The following C1orf87 variants were observed in gnomAD, a reference collection of about 807,000 sequenced individuals.
The protein encoded by C1orf87 is uncharacterized protein C1orf87.
In C1orf87, 58 loss-of-function variants were observed where a neutral mutation model predicts 60.5. The ratio of observed to expected loss-of-function variants is 0.96; its 90% CI spans 0.78 to 1.19. C1orf87 has a LOEUF of 1.19. C1orf87 is among the 50% of genes most tolerant of loss of function. The probability of loss-of-function intolerance (pLI) is 0.00; values close to 1 mark genes in which losing one functional copy is unlikely to be tolerated. For missense variants in C1orf87, 673 were observed against 638.6 expected, an observed-to-expected ratio of 1.05 and a Z score of -0.58; for synonymous variants, 236 against 227.4, an observed-to-expected ratio of 1.04 and a Z score of -0.34.
intron 3 of C1orf87, among the ~76,000 whole-genome samples, chr1:60,051,326 T>C (rs544449657): frequency 1.3e-5 from 2 of 152,212 alleles, no homozygotes; most frequent in Non-Finnish European, 2.9e-5. Context: ...CCCTGCCCCA[T>C]TCATGTTGTG....
At chr1:60,034,111 G>C (rs1244515759) in intron 6 of C1orf87, among the ~76,000 whole-genome samples, 1 of 152,078 alleles carries the variant, frequency 6.6e-6, no homozygotes, top group Non-Finnish European at 1.5e-5. Flanking sequence ...TAGTTCCCTG[G>C]GAGGAAATCC....
At chr1:60,070,225 A>C (rs1645575322) in intron 2 of C1orf87, among the ~76,000 whole-genome samples, 1 of 152,184 alleles carries the variant, frequency 6.6e-6, no homozygotes, top group Non-Finnish European at 1.5e-5. Context: ...AGTCTGTCAT[A>C]CCATCCCATC....
rs1034199064 is a variant in C1orf87 at position 59,990,592 on chromosome 1, A to G, written c.*81T>C. On this transcript the variant is annotated 3_prime_UTR_variant, in exon 12 of 12. Coordinates refer to ENST00000371201, the MANE Select transcript of C1orf87 (RefSeq NM_152377.3). ...CCACTCTGACAATGCCTCCGCCACTACACTTAGGCTGGGGAGAAACATGTG... is the reference window on the plus strand; with the variant it reads ...CCACTCTGACAATGCCTCCGCCACTGCACTTAGGCTGGGGAGAAACATGTG... The G allele has an allele frequency of 2.6e-6, 4 of 1,527,450 alleles. No individual in the cohort carries two copies. Among genetic ancestry groups the G allele is most frequent in the Admixed American group, 1.8e-5 (1 of 56,438 alleles). 94.6% of individuals were successfully genotyped at this position (1,527,450 alleles called of 1,614,324 possible). A position where few individuals can be genotyped will look rare whatever the true frequency, so the allele number is the denominator to read the frequency against.
chr1:60,046,790 T>A (rs907776727), intron 3 of C1orf87, among the ~76,000 whole-genome samples: 1 of 152,182 alleles, frequency 6.6e-6, no homozygotes, highest in Non-Finnish European at 1.5e-5. Context: ...TTCATCATTA[T>A]TTTTTCTTGC....
At chr1:60,022,172 G>A (rs1408044927) in intron 8 of C1orf87, among the ~76,000 whole-genome samples, 1 of 149,026 alleles carries the variant, frequency 6.7e-6, no homozygotes, top group Non-Finnish European at 1.5e-5. Flanking sequence ...TTTGAGCAGA[G>A]TAATGATGCA....
At chr1:59,997,358 T>G (rs1297091201) in intron 11 of C1orf87, among the ~76,000 whole-genome samples, 4 of 152,146 alleles carry the variant, frequency 2.6e-5, no homozygotes, top group African/African-American at 9.7e-5. Flanking sequence ...ATTATAAAAT[T>G]GGATTGTGGG....
intron 9 of C1orf87, among the ~76,000 whole-genome samples, chr1:60,002,021 C>G (rs7533549): frequency 1.3e-5 from 2 of 152,030 alleles, no homozygotes; most frequent in Non-Finnish European, 2.9e-5. Context: ...GACTTGGTGA[C>G]TTATTTATTT....
Position 60,054,902 on chromosome 1 carries a change from A to G in C1orf87, c.342+302T>C, listed in dbSNP as rs1330637973. On this transcript the variant is annotated intron_variant, in intron 3 of 11. Transcript: ENST00000371201. ...TCCAACACGCCCCAACTTTGCATGTATAGTAACAACACTGAGTATCACTGA... is the reference window on the plus strand; with the variant it reads ...TCCAACACGCCCCAACTTTGCATGTGTAGTAACAACACTGAGTATCACTGA... Among the ~76,000 whole-genome samples the G allele has an allele frequency of 1.8e-4, 27 of 152,180 alleles. 1 individual carries two copies. The highest frequency in any genetic ancestry group is 1.7e-3 in the Admixed American group (26 of 15,276).
chr1:60,064,002 C>T (rs1645515023), intron 2 of C1orf87, among the ~76,000 whole-genome samples: 1 of 151,890 alleles, frequency 6.6e-6, no homozygotes, highest in African/African-American at 2.4e-5. Flanking sequence ...CTGGGTGGCA[C>T]CATCTAATCA....
chr1:60,054,727 T>C (rs1645440488), intron 3 of C1orf87, among the ~76,000 whole-genome samples: 1 of 152,232 alleles, frequency 6.6e-6, no homozygotes, highest in African/African-American at 2.4e-5. Flanking sequence ...TATGAATTGT[T>C]TGGTTGATTG....
intron 8 of C1orf87, among the ~76,000 whole-genome samples, chr1:60,022,929 C>A (rs1480864652): frequency 6.6e-6 from 1 of 152,084 alleles, no homozygotes; most frequent in East Asian, 1.9e-4. Flanking sequence ...CCAGGCAGAA[C>A]CGAGCAGGAC....
At chr1:60,034,103 G>T (rs572495266) in intron 6 of C1orf87, among the ~76,000 whole-genome samples, 5 of 152,266 alleles carry the variant, frequency 3.3e-5, no homozygotes, top group African/African-American at 9.6e-5. Flanking sequence ...AGACAGCCTA[G>T]TTCCCTGGGA....
chr1:60,067,811 G>C (rs534155186), intron 2 of C1orf87, among the ~76,000 whole-genome samples: 39 of 152,062 alleles, frequency 2.6e-4, no homozygotes, highest in African/African-American at 8.9e-4. Context: ...CCTCTGTTCT[G>C]AAGGGTATTG....
chr1:60,014,457 G>T (rs548497746), intron 8 of C1orf87, among the ~76,000 whole-genome samples: 2 of 152,116 alleles, frequency 1.3e-5, no homozygotes, highest in East Asian at 3.9e-4. Flanking sequence ...CTCACGTGTT[G>T]TTTGTTTCTT....
At chr1:60,003,647 T>C (rs1645023260) in intron 9 of C1orf87, among the ~76,000 whole-genome samples, 2 of 152,034 alleles carry the variant, frequency 1.3e-5, no homozygotes, top group Admixed American at 6.6e-5. Flanking sequence ...TTACAAATCA[T>C]TGTGAAAGTT....
Position 59,997,730 on chromosome 1 carries a change from C to A in C1orf87, c.1359G>T (p.Arg453Ser). The change falls in exon 11 of 12, where the codon AGG becomes AGT. Residue 453 changes from arginine to serine, a missense_variant. Arg to Ser is a moderately radical substitution (Grantham distance 110). Transcript: ENST00000371201. ...GATTCACGAAGGGCTGGGAGACTGG[C>A]CTGATCTTTAAAGGTTTCAGAGGAT... Reference protein sequence around the residue: ...CKDPLKPLKIRPVSQPFVNPA... With the variant: ...CKDPLKPLKISPVSQPFVNPA... 1 of 1,613,942 alleles carries A rather than the reference C, an allele frequency of 6.2e-7. No homozygotes were observed. The highest frequency in any genetic ancestry group is 8.5e-7 in the Non-Finnish European group (1 of 1,179,904).
chr1:60,065,049 T>C (rs191665625), intron 2 of C1orf87, among the ~76,000 whole-genome samples: 1,202 of 96,178 alleles, frequency 0.012, 28 homozygotes, highest in African/African-American at 0.044. Context: ...TTTAATAATA[T>C]ATAAAATATA....
At position 60,023,017 on chromosome 1, in the gene C1orf87, T is replaced by A. The variant is rs141103912; in HGVS notation, c.1127+2384A>T. Among the ~76,000 whole-genome samples, 1,380 of 152,242 alleles carry A rather than the reference T, an allele frequency of 9.1e-3. 21 individuals carry two copies. The highest frequency in any genetic ancestry group is 0.014 in the Non-Finnish European group (949 of 67,998). Reference sequence around the variant, plus strand: ...AATTACTTATTTCTGGAATTTTCCATTTAATATTTTCAGATCATAGGTAAC... The same window carrying A: ...AATTACTTATTTCTGGAATTTTCCAATTAATATTTTCAGATCATAGGTAAC... On this transcript the variant is annotated intron_variant, in intron 8 of 11. Coordinates refer to ENST00000371201, the MANE Select transcript of C1orf87 (RefSeq NM_152377.3).
At chr1:60,009,751 C>T (rs1645070055) in intron 9 of C1orf87, among the ~76,000 whole-genome samples, 1 of 152,002 alleles carries the variant, frequency 6.6e-6, no homozygotes, top group Non-Finnish European at 1.5e-5. Context: ...AATATCAATG[C>T]ATATTTTTTC....
Sources: allele counts gnomAD v4.1 joint callset (sites outside exome capture counted in the v4.1 genomes callset), GRCh38; gene constraint gnomAD v4.1.1; transcripts MANE v1.5; gene names NCBI Gene and HGNC (gene_info 2026-07-23, HGNC 2026-07-21).